Variants in NFATC1 observed in about 807,000 individuals in gnomAD.
The protein encoded by NFATC1 is nuclear factor of activated T-cells, cytoplasmic 1.
A neutral mutation model predicts 76.0 loss-of-function variants in NFATC1; 22 were observed. The ratio of observed to expected loss-of-function variants is 0.29; its 90% CI spans 0.21 to 0.41. The LOEUF is 0.41. Ranked by LOEUF, NFATC1 falls within the 10% of genes least tolerant of loss-of-function variation. NFATC1 has a pLI of 1.00. For missense variants in NFATC1, 1,357 were observed against 1,337.7 expected, an observed-to-expected ratio of 1.01 and a Z score of -0.23; for synonymous variants, 704 against 613.1, an observed-to-expected ratio of 1.15 and a Z score of -2.19.
rs760843071 is a variant in NFATC1, at chr18:79,486,318, G to A, written c.2163G>A (p.Gly721=). The A allele has an allele frequency of 6.2e-7, 1 of 1,613,070 alleles. No individual in the cohort carries two copies. The highest frequency in any genetic ancestry group is 1.3e-5 in the African/African-American group (1 of 74,920). Residue 721 remains glycine (G), a synonymous_variant, in exon 9 of 10, where the codon GGG becomes GGA. Transcript: ENST00000427363. ...CAACCTGTGGACCGGTGAGCCAGGG[G>A]TTAAGTCCTCTCCCAAGACCATACT... ...PAPTCGPVSQ[G]LSPLPRPYYS...
At chr18:79,430,870 A>G (rs2086566510) in intron 2 of NFATC1, among the ~76,000 whole-genome samples, 1 of 152,092 alleles carries the variant, frequency 6.6e-6, no homozygotes, top group South Asian at 2.1e-4. Context: ...TCCCTTCCCC[A>G]GAAACTCACA....
chr18:79,468,333 C>G (rs2088624665), intron 8 of NFATC1: 1 of 152,096 alleles, frequency 6.6e-6, no homozygotes, highest in Admixed American at 6.5e-5. Context: ...GCCACTCCCC[C>G]CAGCTCGGAG....
intron 9 of NFATC1, among the ~76,000 whole-genome samples, chr18:79,517,094 T>C (rs1445164878): frequency 2.6e-5 from 4 of 152,214 alleles, no homozygotes; most frequent in Non-Finnish European, 5.9e-5. Context: ...CAAGAATTAT[T>C]AGATATTGTC....
At chr18:79,449,017 G>A (rs1161737377) in intron 4 of NFATC1, 33 bp downstream of exon 4, 31 of 1,604,716 alleles carry the variant, frequency 1.9e-5, no homozygotes, top group Non-Finnish European at 2.5e-5. Flanking sequence ...CCTCTGGCAG[G>A]GGGCGGTAGG....
chr18:79,516,398 T>C (rs2090384961), intron 9 of NFATC1, among the ~76,000 whole-genome samples: 1 of 152,236 alleles, frequency 6.6e-6, no homozygotes, highest in South Asian at 2.1e-4. Context: ...GAAGCTGTTA[T>C]TTTCCACTGC....
rs573304262 is a variant in NFATC1 at position 79,507,656 on chromosome 18, G to A, written c.2783-19872G>A. 2.0e-4 allele frequency among the ~76,000 whole-genome samples: 30 copies of A among 152,354 alleles called. No homozygotes were observed. The East Asian group carries it at 2.3e-3, about 12-fold the overall frequency. On this transcript the variant is annotated intron_variant, in intron 9 of 9. Transcript: ENST00000427363. ...GGGGACAAATGTGTGGGTTCCTGAC[G>A]CACGTCCCCCGGAGCCCTAGAAAGG...
At chr18:79,507,387 G>A (rs893952958) in intron 9 of NFATC1, among the ~76,000 whole-genome samples, 2 of 152,226 alleles carry the variant, frequency 1.3e-5, no homozygotes, top group Non-Finnish European at 2.9e-5. Context: ...GAGCGGCCGC[G>A]TAAATCAGGC....
At chr18:79,412,596 T>G (rs1178047861) in intron 2 of NFATC1, among the ~76,000 whole-genome samples, 1 of 152,204 alleles carries the variant, frequency 6.6e-6, no homozygotes, top group African/African-American at 2.4e-5. Flanking sequence ...GTCTCTGCTC[T>G]GCAGTCTCAG....
chr18:79,459,685 G>A (rs2087953886), intron 6 of NFATC1, among the ~76,000 whole-genome samples: 1 of 152,150 alleles, frequency 6.6e-6, no homozygotes, highest in South Asian at 2.1e-4. Flanking sequence ...GAGCTTCAGA[G>A]GACCACAGCC....
At chr18:79,398,195 A>C (rs116642814) in intron 1 of NFATC1, among the ~76,000 whole-genome samples, 356 of 152,282 alleles carry the variant, frequency 2.3e-3, no homozygotes, top group African/African-American at 8.2e-3. Context: ...TTGCTTCCTC[A>C]TGGAGAACGC....
intron 1 of NFATC1, among the ~76,000 whole-genome samples, chr18:79,409,880 A>G (rs1191002781): frequency 3.3e-5 from 5 of 152,256 alleles, no homozygotes; most frequent in Admixed American, 3.3e-4. Context: ...AATGAGTAAA[A>G]ACAGGCTGTT....
intron 8 of NFATC1, among the ~76,000 whole-genome samples, chr18:79,483,185 T>G (rs1433850859): frequency 9.9e-6 from 1 of 101,404 alleles, no homozygotes. Flanking sequence ...TGGGGTGTAA[T>G]TCCAGCGTGA....
chr18:79,519,841 G>A (rs77961666), intron 9 of NFATC1, among the ~76,000 whole-genome samples: 7,314 of 152,242 alleles, frequency 0.048, 241 homozygotes, highest in Admixed American at 0.083. Flanking sequence ...CTTAAAGTGG[G>A]ATTATTTTCA....
rs542880809 is a variant in NFATC1 at position 79,466,367 on chromosome 18, C to T, written c.1960-1083C>T. ...AATGAAACTTTATAGATGCGACTCC[C>T]GCCAACCCTCTCCCCAGATACCAAG... is the stretch of plus-strand genomic sequence containing the variant. On this transcript the variant is annotated intron_variant, in intron 7 of 9. Transcript: ENST00000427363. Among the ~76,000 whole-genome samples the T allele has an allele frequency of 7.9e-5, 12 of 152,308 alleles. No homozygotes were observed. The South Asian group carries it at 1.0e-3, about 13-fold the overall frequency.
chr18:79,443,563 G>C (rs1371244181), intron 3 of NFATC1, among the ~76,000 whole-genome samples: 1 of 152,214 alleles, frequency 6.6e-6, no homozygotes, highest in Non-Finnish European at 1.5e-5. Flanking sequence ...TCACCGGTCT[G>C]AGAATCCACT....
At chr18:79,510,189 G>C (rs115127775) in intron 9 of NFATC1, among the ~76,000 whole-genome samples, 1,579 of 152,326 alleles carry the variant, frequency 0.01, 26 homozygotes, top group African/African-American at 0.032. Context: ...CGTCACTTCA[G>C]GGTCACCTGA....
At chr18:79,408,847 C>G (rs961425252) in intron 1 of NFATC1, among the ~76,000 whole-genome samples, 1 of 151,556 alleles carries the variant, frequency 6.6e-6, no homozygotes, top group East Asian at 1.9e-4. Context: ...CATCATCCAT[C>G]CATCCATCAT....
intron 2 of NFATC1, among the ~76,000 whole-genome samples, chr18:79,432,175 T>C (rs1365133421): frequency 1.3e-5 from 2 of 152,198 alleles, no homozygotes; most frequent in African/African-American, 4.8e-5. Flanking sequence ...CTCTGGGGCT[T>C]GTACTTAAAA....
At chr18:79,512,737 C>T (rs2090287172) in intron 9 of NFATC1, among the ~76,000 whole-genome samples, 1 of 152,234 alleles carries the variant, frequency 6.6e-6, no homozygotes, top group Non-Finnish European at 1.5e-5. Context: ...GCCGTTTGAA[C>T]AGTGGAGCCT....
Sources: allele counts gnomAD v4.1 joint callset (sites outside exome capture counted in the v4.1 genomes callset), GRCh38; gene constraint gnomAD v4.1.1; transcripts MANE v1.5; gene names NCBI Gene and HGNC (gene_info 2026-07-23, HGNC 2026-07-21).